The following ROBO4 variants were observed in gnomAD, a reference collection of about 807,000 sequenced individuals.
ROBO4 encodes roundabout homolog 4.
Under a neutral mutation model 103.3 loss-of-function variants are expected in ROBO4, and 80 were observed. That is an observed-to-expected ratio of 0.77 (90% confidence interval 0.65 to 0.93). ROBO4 has a LOEUF of 0.93. Among genes scored for constraint, ROBO4 ranks in the 40% least tolerant of loss-of-function variants. The pLI, the probability that ROBO4 is intolerant of heterozygous loss-of-function variation, is 0.00. For missense variants in ROBO4, 1,333 were observed against 1,305.3 expected (o/e 1.02, Z -0.33); for synonymous variants, 504 against 529.7 (o/e 0.95, Z 0.67).
At position 124,895,619 on chromosome 11, in the gene ROBO4, C is replaced by T; in HGVS notation, c.874G>A (p.Gly292Ser). 6.2e-7 allele frequency: 1 copy of T among 1,613,812 alleles called. No individual in the cohort carries two copies. The highest frequency in any genetic ancestry group is 8.5e-7 in the Non-Finnish European group (1 of 1,180,024). ...TCCTCTGCCCACGGAGCTCCCTGGC[C>T]TCCCGGGGCAGTCTGGGTCCTGAAC... ...ALFRTQTAPG[G>S]QGAPWAEELL... The change falls in exon 6 of 18, where the codon GGC becomes AGC. Residue 292 changes from glycine to serine, a missense_variant. Gly to Ser is a moderately conservative substitution (Grantham distance 56). Coordinates refer to ENST00000306534, the MANE Select transcript of ROBO4 (RefSeq NM_019055.6).
Position 124,891,693 on chromosome 11 carries a change from G to C in ROBO4, c.1657C>G (p.Arg553Gly). The C allele has an allele frequency of 6.2e-7, 1 of 1,614,132 alleles. No homozygotes were observed. Among genetic ancestry groups the C allele is most frequent in the Non-Finnish European group, 8.5e-7 (1 of 1,180,030 alleles). ...SLSSRLGADA[R>G]DPLDCRRSLL... ...GAGCGACGACAGTCTAGTGGGTCCC[G>C]GGCATCCGCCCCCAGCCGACTGCTG... is the stretch of plus-strand genomic sequence containing the variant. Residue 553 changes from arginine to glycine, a missense_variant, in exon 11 of 18, where the codon CGG becomes GGG. By Grantham distance (125) the Arg-to-Gly change is moderately radical. Coordinates refer to ENST00000306534, the MANE Select transcript of ROBO4 (RefSeq NM_019055.6).
At chr11:124,896,785 CCCG>C in intron 2 of ROBO4, 115 bp from the exon 3 acceptor site, 1 of 1,511,208 alleles carries the variant, frequency 6.6e-7, no homozygotes, top group South Asian at 1.3e-5. Flanking sequence ...TAGGGCCAGC[CCCG>C]CCCCAGCTTG....
chr11:124,895,954 G>A, intron 4 of ROBO4, 42 bp from the exon 5 acceptor site: 1 of 1,610,480 alleles, frequency 6.2e-7, no homozygotes, highest in South Asian at 1.1e-5. Context: ...ATAGGCCAGA[G>A]TGACAGAACT....
In ROBO4 at chr11:124,887,440, A is replaced by G; in HGVS notation, c.2116T>C (p.Ser706Pro). The change falls in exon 14 of 18, where the codon TCA becomes CCA. Residue 706 changes from serine (S) to proline (P), a missense_variant. Transcript: ENST00000306534. ...AGATGACGAGTAACCAGCTCATTTG[A>G]GGAGCTGAGGAGTTTCGGTCCCAGG... Reference protein sequence around the residue: ...RALGPKLLSSSNELVTRHLPP... With the variant: ...RALGPKLLSSPNELVTRHLPP... 3.1e-6 allele frequency: 5 copies of G among 1,614,008 alleles called. No homozygotes were observed. Among genetic ancestry groups the G allele is most frequent in the Non-Finnish European group, 4.2e-6 (5 of 1,179,972 alleles).
chr11:124,887,649 G>A (rs981968727), intron 13 of ROBO4, 84 bp downstream of exon 13: 223 of 1,533,338 alleles, frequency 1.5e-4, no homozygotes, highest in South Asian at 1.5e-4. Flanking sequence ...GGATGAGCCC[G>A]TGGGAGGGCC....
At position 124,897,778 on chromosome 11, in the gene ROBO4, G is replaced by C. The variant is rs745770590; in HGVS notation, c.18C>G (p.Asp6Glu). Residue 6 changes from aspartate to glutamate, a missense_variant, in exon 1 of 18, where the codon GAC (aspartate) becomes GAG (glutamate). Asp to Glu is a conservative substitution (Grantham distance 45). Coordinates refer to ENST00000306534, the MANE Select transcript of ROBO4 (RefSeq NM_019055.6). ...GGGAACCCCTGCCCCCCAGGAGGCT[G>C]TCTCCTCCAGAGCCCATGGCTACTC... MGSGG[D>E]SLLGGRGSLP... The C allele has an allele frequency of 6.2e-7, 1 of 1,613,650 alleles. No individual in the cohort carries two copies. The highest frequency in any genetic ancestry group is 8.5e-7 in the Non-Finnish European group (1 of 1,179,772).
chr11:124,891,579 A>G lies in ROBO4; in HGVS notation c.1685-17T>C, dbSNP rs377631907. ...AGGAGAGCACTGTGACATAAATGACAGGAGGAATTATGGTGAGCATGTCCT... is the reference window on the plus strand; with the variant it reads ...AGGAGAGCACTGTGACATAAATGACGGGAGGAATTATGGTGAGCATGTCCT... On this transcript the variant is annotated splice_polypyrimidine_tract_variant and intron_variant, in intron 11 of 17. Coordinates refer to ENST00000306534, the MANE Select transcript of ROBO4 (RefSeq NM_019055.6). 497 of 1,614,234 alleles carry G rather than the reference A, an allele frequency of 3.1e-4. 2 individuals carry two copies. The African/African-American group carries it at 6.1e-3, about 20-fold the overall frequency.
chr11:124,897,224 G>A lies in ROBO4; in HGVS notation c.108C>T (p.Val36=). ...MAQDSPPQIL[V]HPQDQLFQGP... ...CCTGGAACAGCTGGTCCTGGGGGTG[G>A]ACTAGGATCTGGGGCGGGGAGTCCT... Residue 36 remains valine, a synonymous_variant, in exon 2 of 18, where the codon GTC becomes GTT. Coordinates refer to ENST00000306534, the MANE Select transcript of ROBO4 (RefSeq NM_019055.6). 2.0e-6 allele frequency: 3 copies of A among 1,474,930 alleles called. No individual in the cohort carries two copies. The highest frequency in any genetic ancestry group is 2.7e-6 in the Non-Finnish European group (3 of 1,112,932). 91.4% of individuals were successfully genotyped at this position (1,474,930 alleles called of 1,614,324 possible). A position where few individuals can be genotyped will look rare whatever the true frequency, so the allele number is the denominator to read the frequency against.
intron 4 of ROBO4, 132 bp downstream of exon 4, chr11:124,896,066 A>G (rs12223633): frequency 0.036 from 54,663 of 1,501,366 alleles, 1,232 homozygotes; most frequent in East Asian, 0.076. Context: ...GCAGGGGGGA[A>G]CCTCCCGCTA....
chr11:124,894,633 G>C (rs148989964), intron 7 of ROBO4, among the ~76,000 whole-genome samples: 85 of 152,300 alleles, frequency 5.6e-4, no homozygotes, highest in Non-Finnish European at 9.8e-4. Flanking sequence ...AAGTCACCAG[G>C]GGGGCCTGCT....
chr11:124,895,145 G>C lies in ROBO4; in HGVS notation c.1085C>G (p.Thr362Ser), dbSNP rs1022862229. ...QEVTLKPGNG[T>S]VFVSWVPPPA... is the part of the protein sequence containing the mutation. The stretch of plus-strand genomic sequence containing the variant: ...TGGTGGGACCCAGCTCACAAAGACA[G>C]TGCCATTGCCAGGCTTTAGAGTCAC... The change falls in exon 7 of 18, where the codon ACT (threonine) becomes AGT (serine). Residue 362 changes from threonine (T) to serine (S), a missense_variant. Thr to Ser is a moderately conservative substitution (Grantham distance 58). Coordinates refer to ENST00000306534, the MANE Select transcript of ROBO4 (RefSeq NM_019055.6). The C allele has an allele frequency of 1.9e-6, 3 of 1,614,066 alleles. No homozygotes were observed. The highest frequency in any genetic ancestry group is 2.5e-6 in the Non-Finnish European group (3 of 1,180,030).
chr11:124,896,722 T>A (rs758432971), intron 2 of ROBO4, 52 bp from the exon 3 acceptor site: 1 of 1,585,572 alleles, frequency 6.3e-7, no homozygotes, highest in Non-Finnish European at 8.6e-7. Context: ...CTCTTCTCTC[T>A]CCCTTATCAC....
rs1565329278 is a variant in ROBO4 at position 124,897,865 on chromosome 11, G to C, written c.-70C>G. ...CTGCTCTGAGCTCACAGTGAAGAGG[G>C]AAGGAGGGGCGGGGTGGGCCGGTGG... On this transcript the variant is annotated 5_prime_UTR_variant, in exon 1 of 18. Transcript: ENST00000306534. 2 of 1,295,778 alleles carry C rather than the reference G, an allele frequency of 1.5e-6. No individual in the cohort carries two copies. The highest frequency in any genetic ancestry group is 2.5e-5 in the East Asian group (1 of 39,964). The allele number at this position is 1,295,778 out of a possible 1,614,324, so 80.3% of individuals were successfully genotyped here.
Position 124,896,584 on chromosome 11 carries a change from C to T in ROBO4, c.487G>A (p.Gly163Ser), listed in dbSNP as rs1206716373. 1.9e-6 allele frequency: 3 copies of T among 1,614,128 alleles called. No homozygotes were observed. The highest frequency in any genetic ancestry group is 2.5e-6 in the Non-Finnish European group (3 of 1,179,990). ...QFTLECGPPW[G>S]HPEPTVSWWK... The stretch of plus-strand genomic sequence containing the variant: ...CATGAGACTGTGGGCTCTGGGTGGC[C>T]CCAGGGCGGCCCACATTCCAGAGTA... Residue 163 changes from glycine (G) to serine (S), a missense_variant, in exon 3 of 18, where the codon GGC becomes AGC. Gly to Ser is a moderately conservative substitution (Grantham distance 56). Transcript: ENST00000306534.
At position 124,886,858 on chromosome 11, in the gene ROBO4, G is replaced by A. The variant is rs776620138; in HGVS notation, c.2436-36C>T. ...GCAAAAGGGGAGACAGCAATGGTTT[G>A]GGTGGAATGAGGGTTGTAGTAACAG... On this transcript the variant is annotated intron_variant, in intron 15 of 17. Transcript: ENST00000306534. 8.5e-6 allele frequency: 13 copies of A among 1,529,082 alleles called. 1 individual carries two copies. In the African/African-American group the frequency reaches 1.8e-4, roughly 21 times the overall value. The allele number at this position is 1,529,082 out of a possible 1,614,324, so 94.7% of individuals were successfully genotyped here. A position where few individuals can be genotyped will look rare whatever the true frequency, so the allele number is the denominator to read the frequency against.
In ROBO4 at chr11:124,887,075, G is replaced by A. The variant is rs777165317; in HGVS notation, c.2337C>T (p.Ser779=). 1 of 1,613,896 alleles carries A rather than the reference G, an allele frequency of 6.2e-7. No individual in the cohort carries two copies. Among genetic ancestry groups the A allele is most frequent in the South Asian group, 1.1e-5 (1 of 91,078 alleles). ...GPSPASSRLS[S]SSLSSLGEDQ... Reference sequence around the variant, plus strand: ...CCTCCCCCAGGGATGACAGTGAGGAGCTGGACAGGCGACTGGAAGCTGGGC... The same window carrying A: ...CCTCCCCCAGGGATGACAGTGAGGAACTGGACAGGCGACTGGAAGCTGGGC... Residue 779 remains serine, a synonymous_variant, in exon 15 of 18, where the codon AGC becomes AGT. Transcript: ENST00000306534.
In ROBO4 at chr11:124,885,244, G is replaced by C; in HGVS notation, c.2798C>G (p.Ala933Gly). Residue 933 changes from alanine to glycine, a missense_variant, in exon 17 of 18, where the codon GCC becomes GGC. By Grantham distance (60) the Ala-to-Gly change is moderately conservative (BLOSUM62 0). Coordinates refer to ENST00000306534, the MANE Select transcript of ROBO4 (RefSeq NM_019055.6). ...PREADCVFIDASSPPSPRDEI... is the reference protein window; with the variant it reads ...PREADCVFIDGSSPPSPRDEI... ...ATCCCGTGGGGAGGGAGGTGATGAG[G>C]CATCTGTCAGGGAGGGTAGAGGTGT... is the stretch of plus-strand genomic sequence containing the variant. The C allele has an allele frequency of 6.2e-7, 1 of 1,609,822 alleles. No individual in the cohort carries two copies. The highest frequency in any genetic ancestry group is 1.7e-5 in the Admixed American group (1 of 60,026).
Position 124,886,996 on chromosome 11 carries a change from C to T in ROBO4, c.2416G>A (p.Glu806Lys), listed in dbSNP as rs1946724317. Reference sequence around the variant, plus strand: ...ACTCACCTGGGAGTCTCCTCACCCTCACTGAGTTCCAAGCACAGGGCTACC... The same window carrying T: ...ACTCACCTGGGAGTCTCCTCACCCTTACTGAGTTCCAAGCACAGGGCTACC... The part of the protein sequence containing the change: ...EEVALCLELS[E>K]GEETPRNSVS... Residue 806 changes from glutamate to lysine, a missense_variant, in exon 15 of 18, where the codon GAG becomes AAG. By Grantham distance (56) the Glu-to-Lys change is moderately conservative. Coordinates refer to ENST00000306534, the MANE Select transcript of ROBO4 (RefSeq NM_019055.6). 6.2e-7 allele frequency: 1 copy of T among 1,612,170 alleles called. No individual in the cohort carries two copies. The highest frequency in any genetic ancestry group is 1.1e-5 in the South Asian group (1 of 90,996).
intron 8 of ROBO4, 37 bp from the exon 9 acceptor site, chr11:124,894,082 G>A (rs113716129): frequency 2.8e-5 from 43 of 1,541,062 alleles, no homozygotes; most frequent in African/African-American, 8.2e-5. Context: ...AGAGGGAGTC[G>A]AGGCATTGAG....
Sources: allele counts gnomAD v4.1 joint callset (sites outside exome capture counted in the v4.1 genomes callset), GRCh38; gene constraint gnomAD v4.1.1; transcripts MANE v1.5; gene names NCBI Gene and HGNC (gene_info 2026-07-23, HGNC 2026-07-21).